Variants in SRL observed in about 807,000 individuals in gnomAD.
SRL encodes the protein sarcalumenin.
SRL carries 23 observed loss-of-function variants against 39.5 expected under a neutral mutation model. The ratio of observed to expected loss-of-function variants is 0.58; its 90% CI spans 0.42 to 0.82. SRL has a LOEUF of 0.82. Among genes scored for constraint, SRL ranks in the 40% least tolerant of loss-of-function variants. SRL has a pLI of 0.00. For missense variants in SRL, 592 were observed against 607.8 expected, an observed-to-expected ratio of 0.97 and a Z score of 0.27; for synonymous variants, 272 against 237.4, an observed-to-expected ratio of 1.15 and a Z score of -1.34.
intron 1 of SRL, among the ~76,000 whole-genome samples, chr16:4,216,498 T>C (rs982895475): frequency 6.6e-6 from 1 of 152,132 alleles, no homozygotes; most frequent in Non-Finnish European, 1.5e-5. Context: ...TCTCAAACTC[T>C]GGACCTCAAG....
intron 1 of SRL, among the ~76,000 whole-genome samples, chr16:4,214,538 G>A (rs1454797748): frequency 2.0e-5 from 3 of 150,760 alleles, no homozygotes; most frequent in South Asian, 2.1e-4. Flanking sequence ...TCCACCCCCC[G>A]CCCCACGTTT....
chr16:4,228,303 G>A (rs1372134754), intron 1 of SRL, among the ~76,000 whole-genome samples: 5 of 152,192 alleles, frequency 3.3e-5, no homozygotes, highest in South Asian at 2.1e-4. Context: ...TGGATATGGC[G>A]GCGCATGCCT....
intron 1 of SRL, among the ~76,000 whole-genome samples, chr16:4,223,945 TG>T (rs924601854): frequency 6.6e-6 from 1 of 152,122 alleles, no homozygotes; most frequent in African/African-American, 2.4e-5. Flanking sequence ...AGGCCCATCA[TG>T]GGTGGGGGCA....
intron 1 of SRL, among the ~76,000 whole-genome samples, chr16:4,224,923 G>A (rs529688242): frequency 1.7e-3 from 255 of 152,306 alleles, no homozygotes; most frequent in African/African-American, 6.0e-3. Flanking sequence ...GAAAGGGGTG[G>A]AGCGCTTCCA....
intron 1 of SRL, among the ~76,000 whole-genome samples, chr16:4,228,539 T>G (rs547664229): frequency 4.6e-5 from 7 of 151,452 alleles, no homozygotes; most frequent in Non-Finnish European, 1.0e-4. Flanking sequence ...ATCGAGACCA[T>G]CCTGGCTAAC....
chr16:4,237,193 C>G (rs1015160726), intron 1 of SRL, among the ~76,000 whole-genome samples: 3 of 152,194 alleles, frequency 2.0e-5, no homozygotes, highest in African/African-American at 7.2e-5. Context: ...GCCTCTGCCT[C>G]CGCCTCCCAA....
In SRL at chr16:4,192,147, C is replaced by T. The variant is rs563060076; in HGVS notation, c.*6G>A. The T allele has an allele frequency of 7.3e-5, 113 of 1,537,840 alleles. 2 individuals are homozygous for T. The South Asian group carries it at 1.3e-3, about 17-fold the overall frequency. ...ACCAACAGGAACCCAAGGACCGCTC[C>T]ACCACCTAGTGCTTCCTGTAGCGAT... On this transcript the variant is annotated 3_prime_UTR_variant, in exon 6 of 6. Coordinates refer to ENST00000399609, the MANE Select transcript of SRL (RefSeq NM_001098814.2). This position sits in a 1 kb window ranked among gnomAD's most constrained non-coding sequence, Gnocchi z 4.0.
At chr16:4,208,068 A>G in intron 1 of SRL, 1 of 456,128 alleles carries the variant, frequency 2.2e-6, no homozygotes, top group South Asian at 1.6e-5. Flanking sequence ...CAAATTGCCA[A>G]CATCTTCTGT....
chr16:4,193,071 T>G (rs2052090688), intron 5 of SRL, 107 bp from the exon 6 acceptor site: 1 of 989,036 alleles, frequency 1.0e-6, no homozygotes, highest in Admixed American at 2.7e-5. Flanking sequence ...GGAACAGCGC[T>G]ACGGATTTTC....
At chr16:4,227,168 G>A (rs2052602264) in intron 1 of SRL, among the ~76,000 whole-genome samples, 1 of 151,548 alleles carries the variant, frequency 6.6e-6, no homozygotes, top group Non-Finnish European at 1.5e-5. Flanking sequence ...ATGAATGGAA[G>A]GGTGGATAGA....
intron 4 of SRL, among the ~76,000 whole-genome samples, chr16:4,196,460 G>A (rs1347743697): frequency 2.1e-5 from 3 of 145,190 alleles, no homozygotes; most frequent in African/African-American, 7.7e-5. Context: ...CTCTCTCTCT[G>A]ATTTTGCCTT....
At chr16:4,196,957 T>C (rs2052155024) in intron 4 of SRL, among the ~76,000 whole-genome samples, 1 of 152,158 alleles carries the variant, frequency 6.6e-6, no homozygotes. Context: ...TTTCATCCAT[T>C]GATGAACATT....
intron 1 of SRL, chr16:4,206,648 C>T: frequency 2.2e-6 from 1 of 456,234 alleles, no homozygotes; most frequent in Non-Finnish European, 4.4e-6. Flanking sequence ...CTGTCCCTGC[C>T]TGTCCCCTAC....
chr16:4,212,554 G>C (rs1401292040), intron 1 of SRL, among the ~76,000 whole-genome samples: 4 of 152,238 alleles, frequency 2.6e-5, no homozygotes, highest in African/African-American at 4.8e-5. Flanking sequence ...ACACCCTGGA[G>C]AGGTGAATCC....
Position 4,213,453 on chromosome 16 carries a change from A to G in SRL, c.62-8819T>C, listed in dbSNP as rs187006488. On this transcript the variant is annotated intron_variant, in intron 1 of 5. Transcript: ENST00000399609. ...TTTGAGACAGGTCTTGCTGTCGCCC[A>G]GGTTGGGGTTCAATGGCACAATGAC... 1.0e-3 allele frequency among the ~76,000 whole-genome samples: 107 copies of G among 107,420 alleles called. No homozygotes were observed. The East Asian group carries it at 0.026, about 26-fold the overall frequency. 70.5% of individuals were successfully genotyped at this position (107,420 alleles called of 152,430 possible). A position where few individuals can be genotyped will look rare whatever the true frequency, so the allele number is the denominator to read the frequency against.
intron 1 of SRL, among the ~76,000 whole-genome samples, chr16:4,214,014 A>G (rs1216712581): frequency 1.3e-5 from 2 of 152,200 alleles, no homozygotes; most frequent in Non-Finnish European, 2.9e-5. Context: ...CCAGATACCC[A>G]GCTTCTGGGG....
At chr16:4,230,631 CA>C (rs1321627774) in intron 1 of SRL, among the ~76,000 whole-genome samples, 1 of 151,774 alleles carries the variant, frequency 6.6e-6, no homozygotes, top group East Asian at 1.9e-4. Context: ...TCGTGATCCG[CA>C]CCCCCTTGGC....
At chr16:4,213,796 T>C (rs1416535035) in intron 1 of SRL, among the ~76,000 whole-genome samples, 1 of 152,210 alleles carries the variant, frequency 6.6e-6, no homozygotes, top group Non-Finnish European at 1.5e-5. Flanking sequence ...TCCAAGGTAG[T>C]TTCCTGTGCT....
chr16:4,199,693 C>CTTTTTTTTTT (rs35631556), intron 3 of SRL, among the ~76,000 whole-genome samples: 3 of 96,422 alleles, frequency 3.1e-5, no homozygotes, highest in African/African-American at 1.2e-4. Context: ...TTTTCTTTTC[C>CTTTTTTTTTT]TTTTTTTTTT....
Sources: allele counts gnomAD v4.1 joint callset (sites outside exome capture counted in the v4.1 genomes callset), GRCh38; gene constraint gnomAD v4.1.1; non-coding constraint Gnocchi (gnomAD v3.1); transcripts MANE v1.5; gene names NCBI Gene and HGNC (gene_info 2026-07-23, HGNC 2026-07-21).